Variants in CDH23 observed in about 807,000 individuals in gnomAD.
The protein encoded by CDH23 is cadherin-23.
A neutral mutation model predicts 317.1 loss-of-function variants in CDH23; 189 were observed. That is an observed-to-expected ratio of 0.60 (90% CI 0.53 to 0.67). The LOEUF is 0.67. Among genes scored for constraint, CDH23 ranks in the 30% least tolerant of loss-of-function variants. The probability of loss-of-function intolerance (pLI) is 0.00; values close to 1 mark genes in which losing one functional copy is unlikely to be tolerated. For missense variants in CDH23, 4,401 were observed against 4,592.4 expected (o/e 0.96, Z 1.20); for synonymous variants, 1,839 against 1,876.8 (o/e 0.98, Z 0.52).
At chr10:71,403,326 C>T (rs61853166) in intron 1 of CDH23, among the ~76,000 whole-genome samples, 644 of 60,724 alleles carry the variant, frequency 0.011, 16 homozygotes, top group Non-Finnish European at 0.012. Context: ...TTCCTTCCTT[C>T]CTTTCTTTCT....
At chr10:71,767,919 A>G (rs3747865) in intron 38 of CDH23, among the ~76,000 whole-genome samples, 136,081 of 152,200 alleles carry the variant, frequency 0.89, 61,033 homozygotes, top group African/African-American at 0.95. Flanking sequence ...ATGCCTCCCC[A>G]GGGAGGGCCT....
At chr10:71,810,959 A>G (rs1841898723) in intron 62 of CDH23, among the ~76,000 whole-genome samples, 1 of 151,982 alleles carries the variant, frequency 6.6e-6, no homozygotes, top group African/African-American at 2.4e-5. Context: ...ACACACCTGT[A>G]ATCCCAGCTA....
intron 6 of CDH23, among the ~76,000 whole-genome samples, chr10:71,523,887 C>T (rs1333741001): frequency 1.3e-5 from 2 of 152,306 alleles, no homozygotes; most frequent in East Asian, 3.9e-4. Flanking sequence ...GATTCTTTCC[C>T]CTGCTCTTCT....
At chr10:71,714,917 G>A (rs1161516278) in intron 28 of CDH23, 1 of 152,262 alleles carries the variant, frequency 6.6e-6, no homozygotes, top group Non-Finnish European at 1.5e-5. Context: ...CTCGCGTTGT[G>A]AGGAGAGGTC....
At chr10:71,412,984 G>C (rs1478559115) in intron 1 of CDH23, among the ~76,000 whole-genome samples, 1 of 152,096 alleles carries the variant, frequency 6.6e-6, no homozygotes, top group Non-Finnish European at 1.5e-5. Flanking sequence ...TTTTAATTTT[G>C]ATGAAGTACA....
At chr10:71,538,319 C>T (rs1335584355) in intron 6 of CDH23, among the ~76,000 whole-genome samples, 1 of 152,204 alleles carries the variant, frequency 6.6e-6, no homozygotes, top group Non-Finnish European at 1.5e-5. Context: ...CAGCCTGGTG[C>T]CTGGCAGTTT....
At chr10:71,761,730 C>T (rs1323273262) in intron 38 of CDH23, 3 of 1,613,978 alleles carry the variant, frequency 1.9e-6, no homozygotes, top group Non-Finnish European at 2.5e-6. Context: ...GAGAAGTTGC[C>T]ATGGTGGTCG....
chr10:71,576,984 G>C (rs1439286312), intron 8 of CDH23, among the ~76,000 whole-genome samples: 2 of 152,108 alleles, frequency 1.3e-5, no homozygotes, highest in African/African-American at 4.8e-5. Flanking sequence ...CTTCTGCCCA[G>C]AGCACCTTCC....
At chr10:71,760,715 A>G (rs1840357922) in intron 38 of CDH23, 4 of 703,674 alleles carry the variant, frequency 5.7e-6, no homozygotes, top group South Asian at 3.3e-5. Flanking sequence ...CCAAGGAGGA[A>G]GCAGAAGGGA....
intron 1 of CDH23, among the ~76,000 whole-genome samples, chr10:71,429,882 G>A (rs1326928327): frequency 6.6e-6 from 1 of 152,206 alleles, no homozygotes; most frequent in Non-Finnish European, 1.5e-5. Context: ...GGAGGACAAG[G>A]GCATGGCCAG....
chr10:71,553,358 C>A (rs1589197939), intron 6 of CDH23, among the ~76,000 whole-genome samples: 2 of 152,182 alleles, frequency 1.3e-5, no homozygotes, highest in African/African-American at 4.8e-5. Context: ...CCCGTTCGAA[C>A]CTTCCCCAGC....
intron 3 of CDH23, among the ~76,000 whole-genome samples, chr10:71,503,414 T>C (rs1853448686): frequency 6.6e-6 from 1 of 152,272 alleles, no homozygotes; most frequent in Non-Finnish European, 1.5e-5. Flanking sequence ...TAACTTGCTA[T>C]ACTCTCTCTT....
intron 9 of CDH23, among the ~76,000 whole-genome samples, chr10:71,599,848 G>A (rs1860101549): frequency 6.6e-6 from 1 of 152,192 alleles, no homozygotes; most frequent in South Asian, 2.1e-4. Flanking sequence ...TCCAGGGGAT[G>A]AAGGAAAAGT....
At position 71,793,462 on chromosome 10, in the gene CDH23, CCAGA is replaced by C; in HGVS notation, c.6538_6541del (p.Thr2180Ter). 1 of 1,614,044 alleles carries C rather than the reference CCAGA, an allele frequency of 6.2e-7. No individual in the cohort carries two copies. Among genetic ancestry groups the C allele is most frequent in the South Asian group, 1.1e-5 (1 of 91,088 alleles). On this transcript the variant is annotated frameshift_variant, in exon 48 of 70. Coordinates refer to ENST00000224721, the MANE Select transcript of CDH23 (RefSeq NM_022124.6). LOFTEE classifies it high-confidence loss of function. The stretch of plus-strand genomic sequence containing the variant: ...CCCGCCCCGAGTTCCTCAACCCCAT[CCAGA>C]CAGTGAGCGTGCTGGAGTCGGCTGA...
chr10:71,731,366 G>C (rs1299713199), intron 31 of CDH23, among the ~76,000 whole-genome samples: 1 of 152,234 alleles, frequency 6.6e-6, no homozygotes, highest in Middle Eastern at 3.2e-3. Flanking sequence ...GGGGTGGAGG[G>C]AGGAATGGCT....
At chr10:71,757,318 G>C (rs1385795852) in intron 38 of CDH23, among the ~76,000 whole-genome samples, 1 of 152,218 alleles carries the variant, frequency 6.6e-6, no homozygotes, top group African/African-American at 2.4e-5. Context: ...CCCAGGTAGA[G>C]ATTTCCCCTA....
intron 17 of CDH23, 131 bp downstream of exon 17, chr10:71,679,623 C>G: frequency 1.4e-6 from 1 of 723,984 alleles, no homozygotes; most frequent in Admixed American, 2.2e-5. Context: ...CAGGAAGCTG[C>G]CCGGAGCACC....
chr10:71,682,604 C>A (rs1306063082), intron 18 of CDH23, 32 bp downstream of exon 18: 1 of 1,608,630 alleles, frequency 6.2e-7, no homozygotes, highest in Non-Finnish European at 8.5e-7. Flanking sequence ...CCTTGCCCTG[C>A]TAGTGTAAGG....
intron 3 of CDH23, among the ~76,000 whole-genome samples, chr10:71,504,056 G>A (rs1180821876): frequency 6.6e-6 from 1 of 151,776 alleles, no homozygotes; most frequent in Non-Finnish European, 1.5e-5. Context: ...TTTAATTATG[G>A]TAAAATATAC....
Sources: gnomAD v4.1 joint callset for allele counts (sites outside exome capture counted in the v4.1 genomes callset) on GRCh38, gnomAD v4.1.1 for gene constraint, MANE v1.5 for transcripts, NCBI Gene and HGNC (gene_info 2026-07-23, HGNC 2026-07-21) for gene names.